The following SEMA3A variants were observed in gnomAD, a reference collection of about 807,000 sequenced individuals.
SEMA3A encodes the protein semaphorin 3A.
A neutral mutation model predicts 97.9 loss-of-function variants in SEMA3A; 29 were observed. That is an observed-to-expected ratio of 0.30 (90% CI 0.22 to 0.40). SEMA3A has a LOEUF of 0.40. SEMA3A is among the 10% of genes least tolerant of loss of function. The pLI is 1.00. For missense variants in SEMA3A, 763 were observed against 951.3 expected, an observed-to-expected ratio of 0.80 and a Z score of 2.60; for synonymous variants, 321 against 323.7, an observed-to-expected ratio of 0.99 and a Z score of 0.09.
rs190298449 is a variant in SEMA3A, at chr7:83,991,571, C to A, written c.1453-6094G>T. Among the ~76,000 whole-genome samples, 373 of 151,928 alleles carry A rather than the reference C, an allele frequency of 2.5e-3. 2 individuals carry two copies. The highest frequency in any genetic ancestry group is 2.9e-3 in the Non-Finnish European group (196 of 67,980). On this transcript the variant is annotated intron_variant, in intron 12 of 16. Coordinates refer to ENST00000265362, the MANE Select transcript of SEMA3A (RefSeq NM_006080.3). ...TCAAAGGCTTTTTCTGCATCTATTG[C>A]GATAATCATGTGGTTTTTGCCTTTG...
At chr7:84,016,406 C>G (rs1012870286) in intron 6 of SEMA3A, among the ~76,000 whole-genome samples, 3 of 151,978 alleles carry the variant, frequency 2.0e-5, no homozygotes, top group African/African-American at 7.2e-5. Flanking sequence ...AGCGTGGTGG[C>G]GGGCTCCTGT....
intron 1 of SEMA3A, among the ~76,000 whole-genome samples, chr7:84,191,098 G>A (rs576647616): frequency 3.3e-5 from 5 of 150,426 alleles, no homozygotes; most frequent in Admixed American, 2.0e-4. Context: ...TGAACAAAAG[G>A]TAAAGAACTT....
chr7:84,402,019 C>A (rs1343343892), intron 1 of SEMA3A, among the ~76,000 whole-genome samples: 3 of 152,074 alleles, frequency 2.0e-5, no homozygotes, highest in Non-Finnish European at 2.9e-5. Context: ...AAACTAAAAG[C>A]TTCTACACAG....
At chr7:84,328,824 AC>A (rs1801835660) in intron 2 of SEMA3A, among the ~76,000 whole-genome samples, 1 of 152,056 alleles carries the variant, frequency 6.6e-6, no homozygotes, top group East Asian at 1.9e-4. Context: ...GGAAAGACAT[AC>A]AAATACATGA....
Position 84,108,159 on chromosome 7 carries a change from C to G in SEMA3A, c.453+2311G>C, listed in dbSNP as rs145720870. On this transcript the variant is annotated intron_variant, in intron 4 of 16. Coordinates refer to ENST00000265362, the MANE Select transcript of SEMA3A (RefSeq NM_006080.3). ...ATTAGACAATGTTTAACTTTCACAA[C>G]TGTATGAGGTACAGACCATTTTCCT... is the stretch of plus-strand genomic sequence containing the variant. Among the ~76,000 whole-genome samples the G allele has an allele frequency of 6.4e-3, 975 of 152,176 alleles. 5 individuals are homozygous for G. Among genetic ancestry groups the G allele is most frequent in the African/African-American group, 0.022 (909 of 41,498 alleles).
At chr7:84,190,734 T>C (rs1798013630) in intron 1 of SEMA3A, among the ~76,000 whole-genome samples, 1 of 147,816 alleles carries the variant, frequency 6.8e-6, no homozygotes, top group Non-Finnish European at 1.5e-5. Context: ...ATATAATATA[T>C]ATACACACAC....
chr7:83,965,879 A>C (rs889250212), intron 15 of SEMA3A, among the ~76,000 whole-genome samples: 4 of 148,020 alleles, frequency 2.7e-5, no homozygotes, highest in Admixed American at 6.8e-5. Context: ...CAGGGTTTCA[A>C]CGTGTTAGCC....
intron 2 of SEMA3A, among the ~76,000 whole-genome samples, chr7:84,132,508 A>G (rs1027756698): frequency 6.6e-6 from 1 of 152,040 alleles, no homozygotes; most frequent in Non-Finnish European, 1.5e-5. Context: ...AATTAAATAT[A>G]TAATCTTAGG....
chr7:84,477,839 G>C (rs541772439), intron 1 of SEMA3A, among the ~76,000 whole-genome samples: 4 of 152,280 alleles, frequency 2.6e-5, no homozygotes, highest in African/African-American at 7.2e-5. Context: ...CAATTTCCGT[G>C]AAAGTTATTG....
At chr7:84,190,147 C>T (rs1562842235) in intron 1 of SEMA3A, among the ~76,000 whole-genome samples, 1 of 151,686 alleles carries the variant, frequency 6.6e-6, no homozygotes, top group Non-Finnish European at 1.5e-5. Context: ...TTGCTAAAGT[C>T]TACACTGTAT....
At chr7:84,121,405 C>T (rs1795611253) in intron 3 of SEMA3A, among the ~76,000 whole-genome samples, 2 of 150,814 alleles carry the variant, frequency 1.3e-5, no homozygotes, top group African/African-American at 4.9e-5. Context: ...GTTTCCCCAC[C>T]CTGTGTCCAA....
At chr7:84,260,716 G>C (rs1238058255) in intron 3 of SEMA3A, among the ~76,000 whole-genome samples, 2 of 152,194 alleles carry the variant, frequency 1.3e-5, no homozygotes, top group Non-Finnish European at 2.9e-5. Context: ...ATGAGCATGG[G>C]AAGGAGGCCA....
At chr7:84,387,659 A>C (rs1228759684) in intron 1 of SEMA3A, among the ~76,000 whole-genome samples, 2 of 152,208 alleles carry the variant, frequency 1.3e-5, no homozygotes, top group African/African-American at 4.8e-5. Flanking sequence ...TGCTCTAATC[A>C]GAAAATGGGT....
chr7:84,205,696 T>G (rs1798476190), intron 3 of SEMA3A, among the ~76,000 whole-genome samples: 2 of 152,198 alleles, frequency 1.3e-5, no homozygotes, highest in Admixed American at 6.5e-5. Context: ...ATTCCTAGAT[T>G]TATTAGCTAT....
At chr7:84,462,844 T>C (rs1441794905) in intron 1 of SEMA3A, among the ~76,000 whole-genome samples, 1 of 152,186 alleles carries the variant, frequency 6.6e-6, no homozygotes, top group East Asian at 1.9e-4. Context: ...GATAGATAGA[T>C]AGCAGTTGTT....
At chr7:84,009,916 A>C (rs945237783) in intron 9 of SEMA3A, among the ~76,000 whole-genome samples, 60 of 149,964 alleles carry the variant, frequency 4.0e-4, no homozygotes, top group Non-Finnish European at 7.2e-4. Context: ...AAAAAAAAAA[A>C]AAAAAAAAAA....
chr7:84,233,076 A>G (rs1471924229), intron 3 of SEMA3A, among the ~76,000 whole-genome samples: 2 of 152,036 alleles, frequency 1.3e-5, no homozygotes, highest in Non-Finnish European at 2.9e-5. Context: ...TATTTCAACT[A>G]TTTGTAGACT....
chr7:84,276,874 C>T (rs376044510), intron 3 of SEMA3A, among the ~76,000 whole-genome samples: 6 of 152,074 alleles, frequency 3.9e-5, no homozygotes, highest in Non-Finnish European at 8.8e-5. Flanking sequence ...GTTCCTAGAT[C>T]ATGGCAGTCC....
At chr7:84,108,665 G>A (rs984578601) in intron 4 of SEMA3A, among the ~76,000 whole-genome samples, 2 of 152,142 alleles carry the variant, frequency 1.3e-5, no homozygotes, top group Admixed American at 6.5e-5. Context: ...GAGCACTTTG[G>A]GAGGCTGAGG....
Sources: gnomAD v4.1 joint callset for allele counts (sites outside exome capture counted in the v4.1 genomes callset) on GRCh38, gnomAD v4.1.1 for gene constraint, MANE v1.5 for transcripts, NCBI Gene and HGNC (gene_info 2026-07-23, HGNC 2026-07-21) for gene names.